TPST1: variants seen among roughly 807,000 people sequenced by gnomAD.
TPST1 encodes the protein protein-tyrosine sulfotransferase 1.
TPST1 carries 20 observed loss-of-function variants against 34.8 expected under a neutral mutation model. The observed-to-expected ratio is 0.57, with a 90% confidence interval of 0.40 to 0.84. The LOEUF is 0.84. Ranked by LOEUF, TPST1 falls within the 40% of genes least tolerant of loss-of-function variation. The pLI is 0.00. For missense variants in TPST1, 353 were observed against 455.5 expected, an observed-to-expected ratio of 0.78 and a Z score of 2.05; for synonymous variants, 152 against 159.4, an observed-to-expected ratio of 0.95 and a Z score of 0.35.
intron 3 of TPST1, among the ~76,000 whole-genome samples, chr7:66,324,203 A>G (rs147034761): frequency 2.6e-5 from 4 of 152,330 alleles, no homozygotes; most frequent in African/African-American, 7.2e-5. Context: ...GAATAGGTCA[A>G]TTCATAGAGA....
rs185129734 is a variant in TPST1 at position 66,301,022 on chromosome 7, G to A, written c.1044+14313G>A. On this transcript the variant is annotated intron_variant, in intron 3 of 5. Transcript: ENST00000304842. ...ATCCATGGACTACAGAATGGATACT[G>A]TGTTAGCAAGCATGAAAACAGCATT... 3.2e-3 allele frequency among the ~76,000 whole-genome samples: 485 copies of A among 152,180 alleles called. 5 individuals are homozygous for A. Among genetic ancestry groups the A allele is most frequent in the East Asian group, 6.0e-3 (31 of 5,182 alleles).
rs547817630 is a variant in TPST1 at position 66,344,260 on chromosome 7, A to T, written c.1045-8245A>T. 3 of 152,262 alleles carry T rather than the reference A, an allele frequency of 2.0e-5. No homozygotes were observed. In the South Asian group the frequency reaches 6.2e-4, roughly 32 times the overall value. The allele number at this position is 152,262 out of a possible 1,614,324, so 9.4% of individuals were successfully genotyped here. A position where few individuals can be genotyped will look rare whatever the true frequency, so the allele number is the denominator to read the frequency against. On this transcript the variant is annotated intron_variant, in intron 3 of 5. Transcript: ENST00000304842. ...AAAAAATAAAAAGGAAAAGAATAGG[A>T]TATCCAAAAACTGTGGGACAGTTAC... is the stretch of plus-strand genomic sequence containing the variant.
chr7:66,258,832 C>T (rs1790431121), intron 2 of TPST1, among the ~76,000 whole-genome samples: 1 of 152,204 alleles, frequency 6.6e-6, no homozygotes, highest in South Asian at 2.1e-4. Flanking sequence ...GTTTTTGCTG[C>T]TCACATTTGT....
intron 3 of TPST1, among the ~76,000 whole-genome samples, chr7:66,348,256 T>C (rs1477320214): frequency 2.0e-5 from 3 of 152,220 alleles, no homozygotes; most frequent in African/African-American, 7.2e-5. Flanking sequence ...ATAGACTCCA[T>C]ACTACAGTCT....
chr7:66,237,090 C>G (rs1789926715), intron 1 of TPST1, among the ~76,000 whole-genome samples: 1 of 152,188 alleles, frequency 6.6e-6, no homozygotes, highest in Admixed American at 6.5e-5. Context: ...GTGCCCCACC[C>G]AGACTGCAAC....
At chr7:66,308,847 G>C (rs1378244113) in intron 3 of TPST1, among the ~76,000 whole-genome samples, 1 of 152,126 alleles carries the variant, frequency 6.6e-6, no homozygotes, top group African/African-American at 2.4e-5. Flanking sequence ...TCAGTGAACA[G>C]ATCAGTCATA....
At chr7:66,230,873 T>A (rs1009730082) in intron 1 of TPST1, among the ~76,000 whole-genome samples, 2 of 152,150 alleles carry the variant, frequency 1.3e-5, no homozygotes, top group Admixed American at 6.5e-5. Flanking sequence ...ATCCCTGAGC[T>A]AGATACAAAG....
At chr7:66,283,472 A>G (rs1234080534) in intron 2 of TPST1, among the ~76,000 whole-genome samples, 1 of 152,154 alleles carries the variant, frequency 6.6e-6, no homozygotes, top group Non-Finnish European at 1.5e-5. Flanking sequence ...TTCCTCAGCT[A>G]CTCAACTCTG....
At position 66,360,293 on chromosome 7, in the gene TPST1, G is replaced by GT; in HGVS notation, c.*431dup. ...AATGTTTTGTAGAACACGTGTGCCTGTTTAAGTGTATTGATGTGAATAATA... is the reference window on the plus strand; with the variant it reads ...AATGTTTTGTAGAACACGTGTGCCTGTTTTAAGTGTATTGATGTGAATAATA... On this transcript the variant is annotated 3_prime_UTR_variant, in exon 6 of 6. Coordinates refer to ENST00000304842, the MANE Select transcript of TPST1 (RefSeq NM_003596.4). 5.3e-6 allele frequency: 1 copy of GT among 187,738 alleles called. No individual in the cohort carries two copies. Among genetic ancestry groups the GT allele is most frequent in the Non-Finnish European group, 1.1e-5 (1 of 88,486 alleles). The allele number at this position is 187,738 out of a possible 1,614,324, so 11.6% of individuals were successfully genotyped here.
chr7:66,201,307 G>A (rs1490643606), upstream of TPST1, among the ~76,000 whole-genome samples: 1 of 150,916 alleles, frequency 6.6e-6, no homozygotes, highest in African/African-American at 2.4e-5. Flanking sequence ...ACTTTGGGAG[G>A]CCAGCGTTGG....
intron 1 of TPST1, among the ~76,000 whole-genome samples, chr7:66,217,391 A>C (rs1789445640): frequency 6.6e-6 from 1 of 152,038 alleles, no homozygotes; most frequent in South Asian, 2.1e-4. Flanking sequence ...ATATATGTTT[A>C]TAATTGTATT....
Position 66,225,695 on chromosome 7 carries a change from C to T in TPST1, c.-101-14630C>T, listed in dbSNP as rs145516535. Among the ~76,000 whole-genome samples the T allele has an allele frequency of 6.9e-3, 1,055 of 152,298 alleles. 26 individuals are homozygous for T. The highest frequency in any genetic ancestry group is 4.5e-3 in the Non-Finnish European group (303 of 68,034). Reference sequence around the variant, plus strand: ...GCACACGCACACGTGTGTAAACACACATGCACACAGTGTTTTAGTATATAA... The same window carrying T: ...GCACACGCACACGTGTGTAAACACATATGCACACAGTGTTTTAGTATATAA... On this transcript the variant is annotated intron_variant, in intron 1 of 5. Coordinates refer to ENST00000304842, the MANE Select transcript of TPST1 (RefSeq NM_003596.4).
chr7:66,357,099 A>C (rs1289054734), intron 5 of TPST1, among the ~76,000 whole-genome samples: 2 of 152,218 alleles, frequency 1.3e-5, no homozygotes, highest in African/African-American at 2.4e-5. Flanking sequence ...GGTGAGAATT[A>C]ATCATCATCC....
At chr7:66,259,527 C>T (rs1790444657) in intron 2 of TPST1, among the ~76,000 whole-genome samples, 1 of 151,844 alleles carries the variant, frequency 6.6e-6, no homozygotes, top group South Asian at 2.1e-4. Flanking sequence ...TTCAGGACTC[C>T]AATTACACAT....
chr7:66,269,798 A>G (rs1476036842), intron 2 of TPST1, among the ~76,000 whole-genome samples: 2 of 152,190 alleles, frequency 1.3e-5, no homozygotes, highest in South Asian at 4.1e-4. Flanking sequence ...AAGAGCTGGG[A>G]TGTAGGAATT....
chr7:66,320,498 C>G (rs1267501268), intron 3 of TPST1, among the ~76,000 whole-genome samples: 1 of 151,954 alleles, frequency 6.6e-6, no homozygotes, highest in Non-Finnish European at 1.5e-5. Context: ...CTGCCCGCCT[C>G]GGCCTCCCAA....
chr7:66,239,376 C>T (rs1365451435), intron 1 of TPST1, among the ~76,000 whole-genome samples: 2 of 152,174 alleles, frequency 1.3e-5, no homozygotes, highest in Non-Finnish European at 2.9e-5. Context: ...CGTATTTCCA[C>T]GGAGGCACTC....
intron 2 of TPST1, among the ~76,000 whole-genome samples, chr7:66,259,498 T>C (rs1462907774): frequency 6.6e-6 from 1 of 152,164 alleles, no homozygotes; most frequent in Non-Finnish European, 1.5e-5. Context: ...AAATTTTTTT[T>C]CTCTTCTTTC....
intron 3 of TPST1, among the ~76,000 whole-genome samples, chr7:66,304,774 T>C (rs2116068595): frequency 6.6e-6 from 1 of 152,254 alleles, no homozygotes; most frequent in South Asian, 2.1e-4. Context: ...ATCCCCTCTT[T>C]GATATCCTAA....
Sources: gnomAD v4.1 joint callset for allele counts (sites outside exome capture counted in the v4.1 genomes callset) on GRCh38, gnomAD v4.1.1 for gene constraint, MANE v1.5 for transcripts, NCBI Gene and HGNC (gene_info 2026-07-23, HGNC 2026-07-21) for gene names.